NEBL: variants seen among roughly 807,000 people sequenced by gnomAD.
NEBL encodes the protein LIM and SH3 protein 2.
A neutral mutation model predicts 140.2 loss-of-function variants in NEBL; 122 were observed. The ratio of observed to expected loss-of-function variants is 0.87; its 90% CI spans 0.75 to 1.01. NEBL has a LOEUF of 1.01. Among genes scored for constraint, NEBL ranks in the 50% least tolerant of loss-of-function variants. The pLI is 0.00. For missense variants in NEBL, 1,365 were observed against 1,231.3 expected (o/e 1.11, Z -1.62); for synonymous variants, 436 against 398.9 (o/e 1.09, Z -1.11).
intron 3 of NEBL, 103 bp from the exon 4 acceptor site, chr10:20,888,310 G>T (rs951852720): frequency 1.3e-6 from 1 of 750,336 alleles, no homozygotes; most frequent in Non-Finnish European, 2.2e-6. Flanking sequence ...AAACAGAATT[G>T]ATTTTAAAAT....
intron 2 of NEBL, chr10:21,029,756 G>C: frequency 1.3e-6 from 1 of 789,306 alleles, no homozygotes; most frequent in South Asian, 1.4e-5. Flanking sequence ...GATCGATATG[G>C]CTGGCGGTAG....
intron 2 of NEBL, among the ~76,000 whole-genome samples, chr10:21,165,487 A>T (rs55713931): frequency 0.027 from 4,164 of 152,278 alleles, 209 homozygotes; most frequent in African/African-American, 0.095. Context: ...CCCAAAAGAA[A>T]CTAGCCTGGG....
intron 4 of NEBL, among the ~76,000 whole-genome samples, chr10:20,933,546 C>G (rs1564449643): frequency 6.6e-6 from 1 of 152,054 alleles, no homozygotes; most frequent in Non-Finnish European, 1.5e-5. Context: ...CCAGCCTGGC[C>G]AACATGGCTA....
At chr10:21,233,763 T>C (rs1842300840) in intron 3 of NEBL, among the ~76,000 whole-genome samples, 1 of 143,502 alleles carries the variant, frequency 7.0e-6, no homozygotes, top group Non-Finnish European at 1.5e-5. Flanking sequence ...TATAGATATA[T>C]ATTACATATA....
chr10:21,105,190 T>TTTTTC (rs58854250), intron 2 of NEBL, among the ~76,000 whole-genome samples: 11,631 of 152,118 alleles, frequency 0.076, 1,420 homozygotes, highest in African/African-American at 0.26. Context: ...TCTTCATTTC[T>TTTTTC]TTTTCTTTTA....
Position 20,840,867 on chromosome 10 carries a change from C to T in NEBL, c.1228-18G>A. ...TATTCTTTCTATGAGACAAGAATAT[C>T]ACAGTTCAAAACTTAGCAGGAATCA... On this transcript the variant is annotated intron_variant, in intron 12 of 27. Coordinates refer to ENST00000377122, the MANE Select transcript of NEBL (RefSeq NM_006393.3). 1 of 1,408,982 alleles carries T rather than the reference C, an allele frequency of 7.1e-7. No homozygotes were observed. Among genetic ancestry groups the T allele is most frequent in the Non-Finnish European group, 1.0e-6 (1 of 1,000,424 alleles). 87.3% of individuals were successfully genotyped at this position (1,408,982 alleles called of 1,614,324 possible).
At chr10:21,018,833 G>A (rs917944534) in intron 3 of NEBL, among the ~76,000 whole-genome samples, 6 of 152,150 alleles carry the variant, frequency 3.9e-5, no homozygotes, top group African/African-American at 1.2e-4. Context: ...TTCAAGACCA[G>A]CCTGACCAAG....
intron 4 of NEBL, among the ~76,000 whole-genome samples, chr10:20,911,184 A>G (rs1172610920): frequency 1.3e-5 from 2 of 152,132 alleles, no homozygotes; most frequent in Non-Finnish European, 2.9e-5. Context: ...AACAAAATAT[A>G]AAGAGTAAGC....
chr10:21,261,759 C>G (rs1355448773), intron 1 of NEBL, among the ~76,000 whole-genome samples: 6 of 152,098 alleles, frequency 3.9e-5, no homozygotes, highest in Admixed American at 1.3e-4. Context: ...GATACTGAGC[C>G]TCGTGATAGA....
intron 4 of NEBL, among the ~76,000 whole-genome samples, chr10:20,916,998 G>C (rs1833329199): frequency 6.6e-6 from 1 of 152,044 alleles, no homozygotes; most frequent in African/African-American, 2.4e-5. Flanking sequence ...AAATATCCTA[G>C]GGAATGAACT....
chr10:21,073,448 C>A (rs1835911523), intron 2 of NEBL, among the ~76,000 whole-genome samples: 1 of 151,642 alleles, frequency 6.6e-6, no homozygotes, highest in Non-Finnish European at 1.5e-5. Context: ...GAAACCCCAT[C>A]TCTACTAAAA....
At chr10:21,031,386 A>T (rs1833781884) in intron 2 of NEBL, among the ~76,000 whole-genome samples, 1 of 152,160 alleles carries the variant, frequency 6.6e-6, no homozygotes, top group Non-Finnish European at 1.5e-5. Flanking sequence ...AGGAACAAAC[A>T]CAGCCAGAGG....
chr10:21,255,594 T>G (rs1025189437), intron 1 of NEBL, among the ~76,000 whole-genome samples: 1 of 152,176 alleles, frequency 6.6e-6, no homozygotes, highest in Non-Finnish European at 1.5e-5. Flanking sequence ...AGTGGCCACT[T>G]TACTGGACAA....
intron 14 of NEBL, among the ~76,000 whole-genome samples, chr10:20,834,186 C>A (rs1379603066): frequency 6.6e-6 from 1 of 151,948 alleles, no homozygotes; most frequent in East Asian, 1.9e-4. Flanking sequence ...AGTGAGAAAA[C>A]AATCAACCAC....
chr10:21,140,094 G>A (rs1839556442), intron 2 of NEBL, among the ~76,000 whole-genome samples: 1 of 152,088 alleles, frequency 6.6e-6, no homozygotes, highest in Non-Finnish European at 1.5e-5. Context: ...CTGGGAGGTG[G>A]AGGCTGCAGT....
chr10:21,114,504 A>G (rs11012529), intron 2 of NEBL, among the ~76,000 whole-genome samples: 11,994 of 152,086 alleles, frequency 0.079, 796 homozygotes, highest in East Asian at 0.23. Flanking sequence ...TGTTCTACCA[A>G]TTATCAAGAG....
In NEBL at chr10:21,134,739, G is replaced by C. The variant is rs572852086; in HGVS notation, c.164+37644C>G. Among the ~76,000 whole-genome samples, 15 of 152,310 alleles carry C rather than the reference G, an allele frequency of 9.8e-5. No individual in the cohort carries two copies. The South Asian group carries it at 2.1e-3, about 21-fold the overall frequency. On this transcript the variant is annotated intron_variant, in intron 2 of 6. Coordinates refer to the NEBL transcript ENST00000417816. The stretch of plus-strand genomic sequence containing the variant: ...TATTAGCAGATGCGCAATATAATTA[G>C]ATGGGGAAACCTTCTGGGATCAAAT...
intron 4 of NEBL, among the ~76,000 whole-genome samples, chr10:20,926,760 T>C (rs1211035228): frequency 2.0e-5 from 3 of 151,902 alleles, no homozygotes; most frequent in Non-Finnish European, 4.4e-5. Flanking sequence ...AGCTGAAGAG[T>C]GATGCTGAAT....
chr10:21,053,858 C>T (rs1458593235), intron 2 of NEBL, among the ~76,000 whole-genome samples: 1 of 152,004 alleles, frequency 6.6e-6, no homozygotes, highest in Non-Finnish European at 1.5e-5. Context: ...TGTGGTGAAG[C>T]CCAGTCACTA....
Sources: gnomAD v4.1 joint callset for allele counts (sites outside exome capture counted in the v4.1 genomes callset) on GRCh38, gnomAD v4.1.1 for gene constraint, MANE v1.5 for transcripts, NCBI Gene and HGNC (gene_info 2026-07-23, HGNC 2026-07-21) for gene names.